The following NTRK1 variants were observed in gnomAD, a reference collection of about 807,000 sequenced individuals.
The protein encoded by NTRK1 is neurotrophic receptor tyrosine kinase 1.
NTRK1 carries 62 observed loss-of-function variants against 86.8 expected under a neutral mutation model. The ratio of observed to expected loss-of-function variants is 0.71; its 90% confidence interval spans 0.58 to 0.88. NTRK1 has a LOEUF of 0.88. NTRK1 is among the 40% of genes least tolerant of loss of function. The pLI is 0.00. For synonymous variants in NTRK1, 469 were observed against 456.6 expected, an observed-to-expected ratio of 1.03 and a Z score of -0.35; for missense variants, 967 against 1,078.4, an observed-to-expected ratio of 0.90 and a Z score of 1.45.
At chr1:156,816,740 GGT>G (rs1653979729) in intron 1 of NTRK1, 2 of 1,580,226 alleles carry the variant, frequency 1.3e-6, no homozygotes, top group Admixed American at 1.8e-5. Flanking sequence ...CCCAGAGCAG[GGT>G]GTGTGTATGT....
chr1:156,874,672 C>G (rs2102910589), intron 10 of NTRK1, 46 bp downstream of exon 10: 1 of 1,576,246 alleles, frequency 6.3e-7, no homozygotes. Context: ...GACCGGGAGG[C>G]TGGGTAGAGG....
At position 156,819,071 on chromosome 1, in the gene NTRK1, C is replaced by T. The variant is rs1037875256; in HGVS notation, c.-64+3233C>T. 6.6e-5 allele frequency among the ~76,000 whole-genome samples: 10 copies of T among 152,098 alleles called. No homozygotes were observed. In the East Asian group the frequency reaches 1.2e-3, roughly 18 times the overall value. ...AGGCTGGAGTGCAATGGCGCTATCTCGGCTCACTGCAACCTCTGCCTCCCA... is the reference window on the plus strand; with the variant it reads ...AGGCTGGAGTGCAATGGCGCTATCTTGGCTCACTGCAACCTCTGCCTCCCA... On this transcript the variant is annotated intron_variant, in intron 1 of 16. Transcript: ENST00000392302.
In NTRK1 at chr1:156,845,493, G is replaced by T. The variant is rs1447156023; in HGVS notation, c.50+3300G>T. On this transcript the variant is annotated intron_variant, in intron 2 of 16. Coordinates refer to the NTRK1 transcript ENST00000392302. ...TCTGCAGCGCGTACCGCCTCCAAAA[G>T]CACCCACAACCCGGGACCCGCCCAC... 5.3e-6 allele frequency: 8 copies of T among 1,505,290 alleles called. No individual in the cohort carries two copies. The East Asian group carries it at 9.1e-5, about 17-fold the overall frequency. 93.2% of individuals were successfully genotyped at this position (1,505,290 alleles called of 1,614,324 possible). A position where few individuals can be genotyped will look rare whatever the true frequency, so the allele number is the denominator to read the frequency against.
At position 156,854,039 on chromosome 1, in the gene NTRK1, A is replaced by T. The variant is rs993588606; in HGVS notation, c.51-10315A>T. ...GTCACGCAGATGTGGCATCTCAAAG[A>T]TGACCAGTGCATAGCCCAGGAAGAG... On this transcript the variant is annotated intron_variant, in intron 2 of 16. Coordinates refer to the NTRK1 transcript ENST00000392302. The surrounding 1 kb of genome is among the most constrained non-coding windows in gnomAD (Gnocchi z 4.2). 3.1e-6 allele frequency: 5 copies of T among 1,613,956 alleles called. No homozygotes were observed. Among genetic ancestry groups the T allele is most frequent in the Admixed American group, 1.7e-5 (1 of 60,000 alleles).
intron 1 of NTRK1, chr1:156,816,681 G>T: frequency 6.2e-7 from 1 of 1,602,022 alleles, no homozygotes; most frequent in South Asian, 1.1e-5. Flanking sequence ...TTACCTTGGG[G>T]ACATATCTGG....
rs1243441505 is a variant in NTRK1, at chr1:156,873,703, G to A, written c.921G>A (p.Gly307=). Reference sequence around the variant, plus strand: ...GGTGCATCCCCTTCTCTGTGGATGGGCAGCCGGCACCGTCTCTGCGCTGGC... The same window carrying A: ...GGTGCATCCCCTTCTCTGTGGATGGACAGCCGGCACCGTCTCTGCGCTGGC... ...HHWCIPFSVD[G]QPAPSLRWLF... The change falls in exon 8 of 17, where the codon GGG becomes GGA. Residue 307 remains glycine, a synonymous_variant. Transcript: ENST00000524377. 1 of 1,611,192 alleles carries A rather than the reference G, an allele frequency of 6.2e-7. No individual in the cohort carries two copies. The highest frequency in any genetic ancestry group is 1.7e-5 in the Admixed American group (1 of 59,880).
At chr1:156,849,191 T>G in intron 2 of NTRK1, 1 of 1,603,912 alleles carries the variant, frequency 6.2e-7, no homozygotes. Context: ...CTCCCCCGGG[T>G]GTGCGTGTCT....
intron 1 of NTRK1, among the ~76,000 whole-genome samples, chr1:156,833,245 G>C (rs1004386043): frequency 1.3e-5 from 2 of 152,230 alleles, no homozygotes; most frequent in Non-Finnish European, 2.9e-5. Context: ...GAGCTTACCA[G>C]ATTGTTTTTT....
At chr1:156,853,544 C>T (rs537527551) in intron 2 of NTRK1, among the ~76,000 whole-genome samples, 26 of 152,306 alleles carry the variant, frequency 1.7e-4, no homozygotes, top group African/African-American at 4.8e-4. Flanking sequence ...TCCATGATGC[C>T]GCCTTGGGCC....
intron 2 of NTRK1, chr1:156,845,538 C>CCA: frequency 2.0e-5 from 26 of 1,301,666 alleles, no homozygotes; most frequent in African/African-American, 5.9e-5. Flanking sequence ...GCCCCACCCA[C>CCA]AAACCCCACC....
intron 14 of NTRK1, 151 bp downstream of exon 14, chr1:156,876,723 A>G: frequency 1.1e-6 from 1 of 942,266 alleles, no homozygotes; most frequent in Non-Finnish European, 1.6e-6. Flanking sequence ...GAGCTCTGAG[A>G]TGGTAGAGGA....
chr1:156,864,659 T>G, intron 2 of NTRK1, 69 bp from the exon 3 acceptor site: 1 of 1,540,724 alleles, frequency 6.5e-7, no homozygotes, highest in Non-Finnish European at 8.9e-7. Context: ...GAGGCTGGGA[T>G]GGGCAGGGAG....
intron 1 of NTRK1, 68 bp from the exon 2 acceptor site, chr1:156,864,286 T>A: frequency 6.8e-7 from 1 of 1,469,006 alleles, no homozygotes; most frequent in African/African-American, 1.4e-5. Flanking sequence ...TGTGAGGGAG[T>A]AAGTGGGTGG....
chr1:156,876,529 G>A lies in NTRK1; in HGVS notation c.1762G>A (p.Val588Ile), dbSNP rs2102919860. ...CACCGAGGGCCGCCCCCTGCTCATGGTCTTTGAGTATATGCGGCACGGGGA... is the reference window on the plus strand; with the variant it reads ...CACCGAGGGCCGCCCCCTGCTCATGATCTTTGAGTATATGCGGCACGGGGA... ...VCTEGRPLLM[V>I]FEYMRHGDLN... Residue 588 changes from valine to isoleucine, a missense_variant, in exon 14 of 17, where the codon GTC becomes ATC. Coordinates refer to ENST00000524377, the MANE Select transcript of NTRK1 (RefSeq NM_002529.4). The A allele has an allele frequency of 6.2e-7, 1 of 1,613,498 alleles. No individual in the cohort carries two copies. Among genetic ancestry groups the A allele is most frequent in the African/African-American group, 1.3e-5 (1 of 75,044 alleles).
intron 3 of NTRK1, among the ~76,000 whole-genome samples, chr1:156,865,902 GT>G (rs1301982797): frequency 1.3e-5 from 2 of 152,238 alleles, no homozygotes; most frequent in Non-Finnish European, 2.9e-5. Context: ...GCAAAATAAA[GT>G]GATGTCATAT....
intron 2 of NTRK1, chr1:156,846,113 G>C: frequency 6.3e-7 from 1 of 1,597,026 alleles, no homozygotes; most frequent in Non-Finnish European, 8.5e-7. Context: ...TTGGGGCACC[G>C]TGGGAGCTAG....
At position 156,861,026 on chromosome 1, in the gene NTRK1, C is replaced by A. The variant is rs756222046; in HGVS notation, c.92C>A (p.Ala31Glu). 1.3e-6 allele frequency: 2 copies of A among 1,542,806 alleles called. No homozygotes were observed. Among genetic ancestry groups the A allele is most frequent in the Admixed American group, 3.8e-5 (2 of 52,046 alleles). Residue 31 changes from alanine to glutamate, a missense_variant, in exon 1 of 17, where the codon GCG becomes GAG. Physicochemically the swap from Ala to Glu is moderately radical, Grantham distance 107 (BLOSUM62 -1). Coordinates refer to ENST00000524377, the MANE Select transcript of NTRK1 (RefSeq NM_002529.4). ...CTGGCTTGGCTGATACTGGCATCTGCGGGCGCCGCACCCTGCCCCGATGCC... is the reference window on the plus strand; with the variant it reads ...CTGGCTTGGCTGATACTGGCATCTGAGGGCGCCGCACCCTGCCCCGATGCC... ...SLLAWLILAS[A>E]GAAPCPDACC...
intron 2 of NTRK1, chr1:156,853,697 C>T: frequency 6.6e-7 from 1 of 1,526,030 alleles, no homozygotes; most frequent in Non-Finnish European, 8.9e-7. Flanking sequence ...CCACCCAGCC[C>T]CATGTGACCC....
Position 156,876,170 on chromosome 1 carries a change from A to G in NTRK1, c.1592A>G (p.Asn531Ser), listed in dbSNP as rs2102917659. Residue 531 changes from asparagine (N) to serine (S), a missense_variant, in exon 13 of 17, where the codon AAC (asparagine) becomes AGC (serine). Physicochemically the swap from Asn to Ser is conservative, Grantham distance 46 (BLOSUM62 1). This residue lies in a region of NTRK1 where 637 missense variants were observed against 776.5 expected (regional missense o/e 0.82). Transcript: ENST00000524377. Reference protein sequence around the residue: ...FGKVFLAECHNLLPEQDKMLV... With the variant: ...FGKVFLAECHSLLPEQDKMLV... ...AAGGTCTTCCTTGCTGAGTGCCACA[A>G]CCTCCTGCCTGAGCAGGACAAGATG... 1 of 1,613,902 alleles carries G rather than the reference A, an allele frequency of 6.2e-7. No individual in the cohort carries two copies. Among genetic ancestry groups the G allele is most frequent in the Non-Finnish European group, 8.5e-7 (1 of 1,179,978 alleles).
Sources: gnomAD v4.1 joint callset for allele counts (sites outside exome capture counted in the v4.1 genomes callset) on GRCh38, gnomAD v4.1.1 for gene constraint, gnomAD v4.1.1 regional missense constraint, Gnocchi (gnomAD v3.1) non-coding constraint, MANE v1.5 for transcripts, NCBI Gene and HGNC (gene_info 2026-07-23, HGNC 2026-07-21) for gene names.